NEBL: variants seen among roughly 807,000 people sequenced by gnomAD.
The protein encoded by NEBL is LIM and SH3 protein 2.
A neutral mutation model predicts 140.2 loss-of-function variants in NEBL; 122 were observed. The observed-to-expected ratio is 0.87, with a 90% CI of 0.75 to 1.01. The LOEUF (loss-of-function observed/expected upper bound fraction) is 1.01. Among genes scored for constraint, NEBL ranks in the 50% least tolerant of loss-of-function variants. NEBL has a pLI of 0.00. For synonymous variants in NEBL, 436 were observed against 398.9 expected, an observed-to-expected ratio of 1.09 and a Z score of -1.11; for missense variants, 1,365 against 1,231.3, an observed-to-expected ratio of 1.11 and a Z score of -1.62.
rs910898473 is a variant in NEBL, at chr10:21,067,118, G to A, written c.165-46917C>T. Among the ~76,000 whole-genome samples the A allele has an allele frequency of 1.3e-4, 19 of 151,640 alleles. No individual in the cohort carries two copies. The East Asian group carries it at 1.9e-3, about 16-fold the overall frequency. On this transcript the variant is annotated intron_variant, in intron 2 of 6. Transcript: ENST00000417816. The stretch of plus-strand genomic sequence containing the variant: ...CTCCCGAGTAGCTGGGACTACAGGC[G>A]CCCGCCACCACGCCCGGCTAATTTT...
intron 12 of NEBL, among the ~76,000 whole-genome samples, chr10:20,841,872 T>C (rs1276949134): frequency 6.6e-6 from 1 of 152,142 alleles, no homozygotes; most frequent in Non-Finnish European, 1.5e-5. Flanking sequence ...CAAAACATTT[T>C]CTACACATTA....
chr10:21,250,575 T>A (rs1842575055), intron 2 of NEBL, among the ~76,000 whole-genome samples: 1 of 152,148 alleles, frequency 6.6e-6, no homozygotes, highest in African/African-American at 2.4e-5. Flanking sequence ...TCTATAAATG[T>A]CCTTTATGAC....
At chr10:20,925,713 TA>T (rs35142286) in intron 4 of NEBL, among the ~76,000 whole-genome samples, 11 of 147,734 alleles carry the variant, frequency 7.4e-5, no homozygotes, top group Non-Finnish European at 9.0e-5. Context: ...GAACAACAAT[TA>T]AAAAAAAAAA....
intron 14 of NEBL, 130 bp downstream of exon 14, chr10:20,835,383 T>C (rs969537008): frequency 1.3e-6 from 1 of 793,562 alleles, no homozygotes; most frequent in Admixed American, 1.7e-5. Context: ...TGCTTCGGAA[T>C]AGTCTCCATT....
chr10:20,817,374 CA>C, intron 21 of NEBL, among the ~76,000 whole-genome samples: 1 of 151,854 alleles, frequency 6.6e-6, no homozygotes, highest in South Asian at 2.1e-4. Flanking sequence ...CTCAAAAAAA[CA>C]AAAAGAAAAA....
At chr10:21,110,030 T>A (rs1837917537) in intron 2 of NEBL, among the ~76,000 whole-genome samples, 1 of 152,154 alleles carries the variant, frequency 6.6e-6, no homozygotes, top group Admixed American at 6.5e-5. Context: ...CTTAGTTATA[T>A]CTTGTCTTCT....
At chr10:21,117,189 C>A (rs962156199) in intron 2 of NEBL, among the ~76,000 whole-genome samples, 1 of 151,936 alleles carries the variant, frequency 6.6e-6, no homozygotes, top group African/African-American at 2.4e-5. Flanking sequence ...TGAGACCCAC[C>A]AGGAGACAAT....
chr10:21,199,510 A>G (rs190597146), intron 3 of NEBL, among the ~76,000 whole-genome samples: 2 of 152,310 alleles, frequency 1.3e-5, no homozygotes, highest in Admixed American at 1.3e-4. Context: ...CCTTAAATGT[A>G]TGTATCAGGC....
intron 2 of NEBL, among the ~76,000 whole-genome samples, chr10:21,100,378 G>T (rs1837422080): frequency 6.6e-6 from 1 of 152,130 alleles, no homozygotes; most frequent in African/African-American, 2.4e-5. Context: ...GAGCTCACTC[G>T]CAAACTCTGC....
At chr10:21,182,051 A>G (rs1316359514) in intron 3 of NEBL, among the ~76,000 whole-genome samples, 2 of 152,212 alleles carry the variant, frequency 1.3e-5, no homozygotes, top group Admixed American at 6.5e-5. Flanking sequence ...CAGAATATTA[A>G]GGGAAACTCA....
At chr10:21,168,785 A>G (rs1840912511) in intron 2 of NEBL, among the ~76,000 whole-genome samples, 1 of 151,856 alleles carries the variant, frequency 6.6e-6, no homozygotes, top group Non-Finnish European at 1.5e-5. Context: ...GCGGTGGCTC[A>G]TGCCTGTAAT....
intron 22 of NEBL, among the ~76,000 whole-genome samples, chr10:20,815,084 G>A (rs1397795416): frequency 2.6e-5 from 4 of 152,216 alleles, no homozygotes; most frequent in Non-Finnish European, 5.9e-5. Context: ...GTACAATTCA[G>A]AATTGAAGCC....
intron 4 of NEBL, chr10:20,961,626 A>T (rs1301255227): frequency 5.9e-6 from 8 of 1,364,370 alleles, no homozygotes; most frequent in Non-Finnish European, 8.4e-6. Context: ...TCTCATCCAG[A>T]AATGCACATC....
chr10:20,859,990 T>A (rs1023639867), intron 7 of NEBL, among the ~76,000 whole-genome samples, 164 bp from the exon 8 acceptor site: 2 of 152,102 alleles, frequency 1.3e-5, no homozygotes, highest in Non-Finnish European at 2.9e-5. Context: ...AAAGTTTTTA[T>A]CTTTAATAAA....
chr10:20,874,299 C>A (rs1486492613), intron 5 of NEBL, among the ~76,000 whole-genome samples: 1 of 152,178 alleles, frequency 6.6e-6, no homozygotes, highest in Non-Finnish European at 1.5e-5. Context: ...TGAAGTTCAG[C>A]CTGCCTTCAT....
At chr10:20,940,046 G>C (rs1389080653) in intron 4 of NEBL, among the ~76,000 whole-genome samples, 1 of 151,166 alleles carries the variant, frequency 6.6e-6, no homozygotes, top group Non-Finnish European at 1.5e-5. Flanking sequence ...AGTTAACAAG[G>C]ATACCCAGGA....
At chr10:21,062,554 G>A (rs1003203634) in intron 2 of NEBL, among the ~76,000 whole-genome samples, 3 of 151,998 alleles carry the variant, frequency 2.0e-5, no homozygotes, top group East Asian at 1.9e-4. Context: ...GGGCATAGTT[G>A]TGTGCACCTG....
intron 4 of NEBL, among the ~76,000 whole-genome samples, chr10:20,883,122 AT>A (rs1408632844): frequency 3.3e-5 from 5 of 152,232 alleles, no homozygotes; most frequent in African/African-American, 1.2e-4. Context: ...TGGTTGGACC[AT>A]TCTTAATTAG....
chr10:20,828,765 CAGAGAGAGAGAG>C (rs10631047), intron 16 of NEBL, 131 bp from the exon 17 acceptor site: 2 of 598,790 alleles, frequency 3.3e-6, no homozygotes, highest in African/African-American at 3.7e-5. Flanking sequence ...CTTACACTCC[CAGAGAGAGAGAG>C]AGAGAGGTGG....
Sources: gnomAD v4.1 joint callset for allele counts (sites outside exome capture counted in the v4.1 genomes callset) on GRCh38, gnomAD v4.1.1 for gene constraint, MANE v1.5 for transcripts, NCBI Gene and HGNC (gene_info 2026-07-23, HGNC 2026-07-21) for gene names.